Variants in TGM3 observed in about 807,000 individuals in gnomAD.
The protein encoded by TGM3 is transglutaminase 3.
TGM3 carries 52 observed loss-of-function variants against 73.8 expected under a neutral mutation model. The observed-to-expected ratio is 0.70, with a 90% CI of 0.56 to 0.89. The LOEUF is 0.89. Among genes scored for constraint, TGM3 ranks in the 40% least tolerant of loss-of-function variants. TGM3 has a pLI of 0.00. For missense variants in TGM3, 928 were observed against 909.9 expected (o/e 1.02, Z -0.26); for synonymous variants, 372 against 354.9 (o/e 1.05, Z -0.54).
Position 2,340,805 on chromosome 20 carries a change from G to A in TGM3, c.*224G>A. On this transcript the variant is annotated 3_prime_UTR_variant, in exon 13 of 13. Transcript: ENST00000381458. ...CTTGATCACTTTTGCACATTCCCTG[G>A]CCGCTTCTCCCCAGAGCTGCCTGCT... The A allele has an allele frequency of 1.5e-6, 1 of 673,504 alleles. No homozygotes were observed. The highest frequency in any genetic ancestry group is 2.4e-4 in the Middle Eastern group (1 of 4,142). The allele number at this position is 673,504 out of a possible 1,614,324, so 41.7% of individuals were successfully genotyped here.
chr20:2,334,795 A>AT lies in TGM3; in HGVS notation c.1643-317dup, dbSNP rs1027531420. The stretch of plus-strand genomic sequence containing the variant: ...CCCATCTCTACAAATAATTTAAAAA[A>AT]TTTTAAAAAAAAAGGACACTTGCCC... On this transcript the variant is annotated intron_variant, in intron 10 of 12. Coordinates refer to ENST00000381458, the MANE Select transcript of TGM3 (RefSeq NM_003245.4). The surrounding 1 kb of genome is among the most constrained non-coding windows in gnomAD (Gnocchi z 4.0). Among the ~76,000 whole-genome samples, 19 of 152,300 alleles carry AT rather than the reference A, an allele frequency of 1.2e-4. No individual in the cohort carries two copies. The highest frequency in any genetic ancestry group is 4.1e-4 in the African/African-American group (17 of 41,560).
intron 1 of TGM3, among the ~76,000 whole-genome samples, chr20:2,303,791 C>T (rs372299071): frequency 2.0e-4 from 30 of 148,760 alleles, no homozygotes; most frequent in Non-Finnish European, 3.8e-4. Flanking sequence ...CACTGATGTT[C>T]TCAGGAAAAA....
intron 7 of TGM3, 59 bp downstream of exon 7, chr20:2,317,544 T>A (rs2084241533): frequency 6.2e-7 from 1 of 1,603,062 alleles, no homozygotes; most frequent in South Asian, 1.1e-5. Flanking sequence ...CTTCTCGCTC[T>A]CACCATCCTT....
intron 10 of TGM3, 99 bp from the exon 11 acceptor site, chr20:2,335,017 C>T: frequency 6.8e-7 from 1 of 1,467,454 alleles, no homozygotes; most frequent in African/African-American, 1.4e-5. Context: ...GCAGATCCTC[C>T]CACCAGCTCA....
intron 11 of TGM3, among the ~76,000 whole-genome samples, chr20:2,339,577 G>A (rs1427003659): frequency 1.3e-5 from 2 of 152,192 alleles, no homozygotes; most frequent in Non-Finnish European, 2.9e-5. Flanking sequence ...GGGCAGGGAA[G>A]TAACAGTGTT....
rs563551325 is a variant in TGM3 at position 2,332,254 on chromosome 20, C to T, written c.1586C>T (p.Thr529Met). ...MTAWTIIYNG[T>M]LVHEVWKDSA... ...GCCTGGACCATCATCTACAACGGCA[C>T]GCTTGTACATGAAGTGTGGAAGGAC... Residue 529 changes from threonine to methionine, a missense_variant, in exon 10 of 13, where the codon ACG becomes ATG. By Grantham distance (81) the Thr-to-Met change is moderately conservative. Transcript: ENST00000381458. The surrounding 1 kb of genome is among the most constrained non-coding windows in gnomAD (Gnocchi z 4.4). 191 of 1,613,666 alleles carry T rather than the reference C, an allele frequency of 1.2e-4. 1 individual carries two copies. The South Asian group carries it at 1.9e-3, about 16-fold the overall frequency.
chr20:2,301,727 G>T (rs184446780), intron 1 of TGM3, among the ~76,000 whole-genome samples: 8 of 151,634 alleles, frequency 5.3e-5, no homozygotes, highest in Admixed American at 4.6e-4. Context: ...TTGAGACGGA[G>T]TCTCCCTCTG....
At position 2,340,554 on chromosome 20, in the gene TGM3, C is replaced by T; in HGVS notation, c.2055C>T (p.Ala685=). 3 of 1,614,192 alleles carry T rather than the reference C, an allele frequency of 1.9e-6. No homozygotes were observed. Among genetic ancestry groups the T allele is most frequent in the Non-Finnish European group, 2.5e-6 (3 of 1,180,032 alleles). ...GCAACAAGTTCCCTGCAATCAAGGC[C>T]ATGTTGTCCATCGATGTAGCCGAAT... The part of the protein sequence containing the change: ...FSCNKFPAIK[A]MLSIDVAE Residue 685 remains alanine, a synonymous_variant, in exon 13 of 13, where the codon GCC becomes GCT. Transcript: ENST00000381458.
intron 7 of TGM3, among the ~76,000 whole-genome samples, chr20:2,324,048 AT>A (rs1185668093): frequency 4.0e-5 from 6 of 151,746 alleles, no homozygotes; most frequent in Non-Finnish European, 5.9e-5. Context: ...TGCTTTATTG[AT>A]TTTTTTCAAT....
At position 2,328,238 on chromosome 20, in the gene TGM3, C is replaced by T. The variant is rs754839836; in HGVS notation, c.1206C>T (p.Tyr402=). 5.0e-6 allele frequency: 8 copies of T among 1,614,000 alleles called. No individual in the cohort carries two copies. The highest frequency in any genetic ancestry group is 2.2e-5 in the East Asian group (1 of 44,886). Residue 402 remains tyrosine (Y), a synonymous_variant, in exon 9 of 13, where the codon TAC becomes TAT. Transcript: ENST00000381458. The surrounding 1 kb of genome is among the most constrained non-coding windows in gnomAD (Gnocchi z 5.2). Reference sequence around the variant, plus strand: ...ATGCCGACCGCATCACCTGGCTGTACGACAACACCACTGGCAAACAGTGGA... The same window carrying T: ...ATGCCGACCGCATCACCTGGCTGTATGACAACACCACTGGCAAACAGTGGA... ...EVNADRITWL[Y]DNTTGKQWKN... is the part of the protein sequence containing the mutation.
Position 2,328,327 on chromosome 20 carries a change from C to T in TGM3, c.1295C>T (p.Ala432Val). 6.2e-7 allele frequency: 1 copy of T among 1,614,110 alleles called. No individual in the cohort carries two copies. The change falls in exon 9 of 13, where the codon GCT becomes GTT. Residue 432 changes from alanine (A) to valine (V), a missense_variant. By Grantham distance (64) the Ala-to-Val change is moderately conservative (BLOSUM62 0). Transcript: ENST00000381458. This position sits in a 1 kb window ranked among gnomAD's most constrained non-coding sequence, Gnocchi z 5.2. ...AGCACCAAGGCGGTGGGCAGCAATG[C>T]TCGCATGGACGTCACGGACAAGTAC... ...YISTKAVGSN[A>V]RMDVTDKYKY...
intron 1 of TGM3, among the ~76,000 whole-genome samples, chr20:2,300,008 G>A (rs1194602378): frequency 2.0e-5 from 3 of 151,990 alleles, no homozygotes; most frequent in African/African-American, 7.3e-5. Flanking sequence ...AGGTTACAGT[G>A]AGGCAAGAGA....
In TGM3 at chr20:2,334,436, G is replaced by T. The variant is rs1332032562; in HGVS notation, c.1643-680G>T. On this transcript the variant is annotated intron_variant, in intron 10 of 12. Transcript: ENST00000381458. This position sits in a 1 kb window ranked among gnomAD's most constrained non-coding sequence, Gnocchi z 4.0. ...AGCTTTCCAAAGCTTTGTCTGGCTG[G>T]TGTGTGGATGATTTAGAAGAACTAG... Among the ~76,000 whole-genome samples, 1 of 152,204 alleles carries T rather than the reference G, an allele frequency of 6.6e-6. No individual in the cohort carries two copies. Among genetic ancestry groups the T allele is most frequent in the African/African-American group, 2.4e-5 (1 of 41,448 alleles).
intron 7 of TGM3, among the ~76,000 whole-genome samples, chr20:2,318,652 C>T (rs1240812096): frequency 2.6e-5 from 4 of 152,132 alleles, no homozygotes; most frequent in Non-Finnish European, 5.9e-5. Flanking sequence ...TCAAAGGCTA[C>T]ACACACACAT....
intron 8 of TGM3, 148 bp from the exon 9 acceptor site, chr20:2,327,972 C>G: frequency 1.8e-6 from 2 of 1,140,756 alleles, no homozygotes; most frequent in Non-Finnish European, 2.5e-6. Flanking sequence ...TGCAGAATGC[C>G]AAATGAGTGG....
At chr20:2,327,503 GAT>G (rs1021194189) in intron 8 of TGM3, among the ~76,000 whole-genome samples, 14 of 152,054 alleles carry the variant, frequency 9.2e-5, no homozygotes, top group Non-Finnish European at 1.6e-4. Flanking sequence ...AAACAAAAAA[GAT>G]ATAGTTAGAC....
intron 1 of TGM3, among the ~76,000 whole-genome samples, chr20:2,302,563 C>T (rs535783008): frequency 6.6e-6 from 1 of 152,196 alleles, no homozygotes; most frequent in Non-Finnish European, 1.5e-5. Context: ...GTCTCCTCTC[C>T]ACCATCGCTA....
intron 1 of TGM3, among the ~76,000 whole-genome samples, chr20:2,305,048 C>T (rs187494577): frequency 6.6e-6 from 1 of 152,338 alleles, no homozygotes; most frequent in East Asian, 1.9e-4. Flanking sequence ...GGCACAGAGC[C>T]CCCATGCCCC....
chr20:2,320,351 T>C (rs2084256067), intron 7 of TGM3, among the ~76,000 whole-genome samples: 1 of 152,242 alleles, frequency 6.6e-6, no homozygotes, highest in South Asian at 2.1e-4. Context: ...TTAGATTTCA[T>C]CTTCACAAAT....
Sources: gnomAD v4.1 joint callset for allele counts (sites outside exome capture counted in the v4.1 genomes callset) on GRCh38, gnomAD v4.1.1 for gene constraint, Gnocchi (gnomAD v3.1) non-coding constraint, MANE v1.5 for transcripts, NCBI Gene and HGNC (gene_info 2026-07-23, HGNC 2026-07-21) for gene names.